The following KCNB2 variants were observed in gnomAD, a reference collection of about 807,000 sequenced individuals.
KCNB2 encodes potassium voltage-gated channel subfamily B member 2.
In KCNB2, 15 loss-of-function variants were observed where a neutral mutation model predicts 61.5. That is an observed-to-expected ratio of 0.24 (90% CI 0.16 to 0.38). The LOEUF (loss-of-function observed/expected upper bound fraction) is 0.38. Ranked by LOEUF, KCNB2 falls within the 10% of genes least tolerant of loss-of-function variation. KCNB2 has a pLI of 1.00. For synonymous variants in KCNB2, 457 were observed against 446.0 expected (o/e 1.02, Z -0.31); for missense variants, 828 against 1,125.2 (o/e 0.74, Z 3.78).
At chr8:72,907,185 C>T (rs1037742078) in intron 2 of KCNB2, among the ~76,000 whole-genome samples, 5 of 151,954 alleles carry the variant, frequency 3.3e-5, no homozygotes, top group Non-Finnish European at 4.4e-5. Flanking sequence ...GGTGAAACCC[C>T]GTCTCTACTA....
intron 1 of KCNB2, among the ~76,000 whole-genome samples, chr8:72,565,279 A>G (rs1806606885): frequency 6.6e-6 from 1 of 152,182 alleles, no homozygotes; most frequent in South Asian, 2.1e-4. Flanking sequence ...ACTTATATTC[A>G]TTCAAGAGAA....
chr8:72,929,504 G>T (rs547496457), intron 2 of KCNB2, among the ~76,000 whole-genome samples: 11 of 152,266 alleles, frequency 7.2e-5, no homozygotes, highest in Admixed American at 3.3e-4. Flanking sequence ...CATACGCAGC[G>T]CAATATTTTT....
intron 2 of KCNB2, among the ~76,000 whole-genome samples, chr8:72,922,312 C>T (rs1177600541): frequency 6.6e-6 from 1 of 152,200 alleles, no homozygotes; most frequent in Non-Finnish European, 1.5e-5. Context: ...TAACTAATGA[C>T]ATCTGCAAAG....
At chr8:72,916,555 C>G (rs1431154592) in intron 2 of KCNB2, among the ~76,000 whole-genome samples, 3 of 152,350 alleles carry the variant, frequency 2.0e-5, no homozygotes, top group African/African-American at 7.2e-5. Flanking sequence ...TTTAACTTTA[C>G]TGTCTGTGGA....
At chr8:72,686,175 A>G (rs1302652687) in intron 2 of KCNB2, among the ~76,000 whole-genome samples, 1 of 152,164 alleles carries the variant, frequency 6.6e-6, no homozygotes, top group African/African-American at 2.4e-5. Context: ...AAAATATCTC[A>G]GTATATTGCT....
At chr8:72,567,578 A>T in intron 1 of KCNB2, 64 bp from the exon 2 acceptor site, 1 of 579,008 alleles carries the variant, frequency 1.7e-6, no homozygotes, top group Non-Finnish European at 3.0e-6. Flanking sequence ...CAACAGAATG[A>T]TCCCATAGAA....
chr8:72,755,848 C>T (rs1808280724), intron 2 of KCNB2, among the ~76,000 whole-genome samples: 1 of 152,134 alleles, frequency 6.6e-6, no homozygotes, highest in Non-Finnish European at 1.5e-5. Context: ...CACCCAACTC[C>T]CTACTCACTA....
intron 2 of KCNB2, among the ~76,000 whole-genome samples, chr8:72,836,970 CA>C (rs1170064495): frequency 6.6e-6 from 1 of 152,154 alleles, no homozygotes; most frequent in Non-Finnish European, 1.5e-5. Context: ...GCAGGTACTT[CA>C]AATTAAAGGT....
At chr8:72,649,150 A>G (rs1256611222) in intron 2 of KCNB2, among the ~76,000 whole-genome samples, 1 of 152,198 alleles carries the variant, frequency 6.6e-6, no homozygotes, top group East Asian at 1.9e-4. Context: ...TGTATTTTAC[A>G]GAATGGAATA....
At chr8:72,779,030 A>T (rs1808711965) in intron 2 of KCNB2, among the ~76,000 whole-genome samples, 1 of 152,090 alleles carries the variant, frequency 6.6e-6, no homozygotes, top group African/African-American at 2.4e-5. Context: ...TGGATTGCTG[A>T]GCTCTGTGGT....
chr8:72,636,965 T>C (rs1805975233), intron 2 of KCNB2, among the ~76,000 whole-genome samples: 1 of 152,164 alleles, frequency 6.6e-6, no homozygotes, highest in Non-Finnish European at 1.5e-5. Context: ...ACAGTTTTGT[T>C]ATAGAAGAGG....
intron 2 of KCNB2, among the ~76,000 whole-genome samples, chr8:72,725,531 ATATATATATG>A (rs1339205030): frequency 1.4e-3 from 26 of 18,356 alleles, no homozygotes; most frequent in African/African-American, 3.9e-3. Flanking sequence ...ATATATATAT[ATATATATATG>A]TGTGTATATA....
intron 2 of KCNB2, among the ~76,000 whole-genome samples, chr8:72,927,707 T>A (rs1469930435): frequency 2.0e-5 from 3 of 152,266 alleles, no homozygotes; most frequent in Non-Finnish European, 4.4e-5. Flanking sequence ...TATAGTCTCT[T>A]GATGGGTTCT....
chr8:72,750,468 A>G (rs1808170752), intron 2 of KCNB2: 1 of 152,186 alleles, frequency 6.6e-6, no homozygotes. Flanking sequence ...TTCATCAGCA[A>G]TGTATCCCAT....
At chr8:72,663,892 TTGTC>T (rs1806422688) in intron 2 of KCNB2, among the ~76,000 whole-genome samples, 1 of 152,192 alleles carries the variant, frequency 6.6e-6, no homozygotes, top group Non-Finnish European at 1.5e-5. Context: ...CAACTGCAGT[TTGTC>T]TGTTTGTTAG....
At chr8:72,697,793 G>A (rs1585836618) in intron 2 of KCNB2, among the ~76,000 whole-genome samples, 1 of 152,112 alleles carries the variant, frequency 6.6e-6, no homozygotes, top group East Asian at 1.9e-4. Context: ...ACATGAAGCA[G>A]CATTTGAATT....
At chr8:72,789,893 G>T (rs1047914563) in intron 2 of KCNB2, among the ~76,000 whole-genome samples, 1 of 152,006 alleles carries the variant, frequency 6.6e-6, no homozygotes, top group Non-Finnish European at 1.5e-5. Context: ...GGAGGAGAAT[G>T]TTGAAAAGAT....
At chr8:72,683,367 TAGAA>T (rs758152130) in intron 2 of KCNB2, among the ~76,000 whole-genome samples, 6 of 152,174 alleles carry the variant, frequency 3.9e-5, no homozygotes, top group Non-Finnish European at 7.4e-5. Flanking sequence ...CAGGCCAGTA[TAGAA>T]AGAAAGAAGA....
intron 2 of KCNB2, among the ~76,000 whole-genome samples, chr8:72,721,421 A>G (rs1201500408): frequency 6.6e-6 from 1 of 152,230 alleles, no homozygotes; most frequent in African/African-American, 2.4e-5. Context: ...CCATATTCCC[A>G]CTATCTAGCA....
Sources: gnomAD v4.1 joint callset for allele counts (sites outside exome capture counted in the v4.1 genomes callset) on GRCh38, gnomAD v4.1.1 for gene constraint, MANE v1.5 for transcripts, NCBI Gene and HGNC (gene_info 2026-07-23, HGNC 2026-07-21) for gene names.